The following MTOR variants were observed in gnomAD, a reference collection of about 807,000 sequenced individuals.
MTOR encodes serine/threonine-protein kinase mTOR.
Under a neutral mutation model 319.8 loss-of-function variants are expected in MTOR, and 70 were observed. The ratio of observed to expected loss-of-function variants is 0.22; its 90% CI spans 0.18 to 0.27. MTOR has a LOEUF of 0.27. MTOR is among the 10% of genes least tolerant of loss of function. MTOR has a pLI of 1.00. For synonymous variants in MTOR, 1,183 were observed against 1,211.4 expected, an observed-to-expected ratio of 0.98 and a Z score of 0.49; for missense variants, 1,890 against 3,274.4, an observed-to-expected ratio of 0.58 and a Z score of 10.32.
In MTOR at chr1:11,127,671, T is replaced by C. The variant is rs1010993658; in HGVS notation, c.6169A>G (p.Met2057Val). 8.1e-6 allele frequency: 13 copies of C among 1,614,006 alleles called. No individual in the cohort carries two copies. The highest frequency in any genetic ancestry group is 4.4e-5 in the South Asian group (4 of 91,080). Residue 2057 changes from methionine (M) to valine (V), a missense_variant, in exon 44 of 58, where the codon ATG becomes GTG. This residue lies in a region of MTOR where 249 missense variants were observed against 596.2 expected (regional missense o/e 0.42). Coordinates refer to ENST00000361445, the MANE Select transcript of MTOR (RefSeq NM_004958.4). This position sits in a 1 kb window ranked among gnomAD's most constrained non-coding sequence, Gnocchi z 5.5. ...MFEVLEPLHA[M>V]MERGPQTLKE... is the part of the protein sequence containing the mutation. ...AGAGTCTGGGGGCCCCGTTCCATCA[T>C]AGCATGCAAGGGCTCCAGCACCTCA...
At chr1:11,209,263 G>A (rs759501785) in intron 25 of MTOR, 49 bp downstream of exon 25, 4 of 1,610,500 alleles carry the variant, frequency 2.5e-6, no homozygotes, top group South Asian at 2.2e-5. Flanking sequence ...TTGAGTAAGT[G>A]AGAAGAGCAG....
intron 26 of MTOR, among the ~76,000 whole-genome samples, chr1:11,202,511 G>A (rs1646009624): frequency 1.3e-5 from 2 of 150,456 alleles, no homozygotes; most frequent in Admixed American, 6.6e-5. Context: ...TAGGTACGAT[G>A]TACACTATTA....
At chr1:11,223,383 T>C (rs773466350) in intron 19 of MTOR, among the ~76,000 whole-genome samples, 2 of 152,168 alleles carry the variant, frequency 1.3e-5, no homozygotes, top group Non-Finnish European at 2.9e-5. Flanking sequence ...ATATTTGTGG[T>C]TACATGGGAA....
chr1:11,229,525 G>A (rs1392585573), intron 18 of MTOR, among the ~76,000 whole-genome samples: 3 of 152,202 alleles, frequency 2.0e-5, no homozygotes, highest in Non-Finnish European at 4.4e-5. Flanking sequence ...GGAGCAGCAT[G>A]GCTCAGGCCC....
At chr1:11,219,024 C>G (rs538337654) in intron 19 of MTOR, among the ~76,000 whole-genome samples, 16 of 152,034 alleles carry the variant, frequency 1.1e-4, no homozygotes, top group Non-Finnish European at 1.9e-4. Context: ...GCCTGAGCAA[C>G]ATGGCAAAAC....
intron 28 of MTOR, among the ~76,000 whole-genome samples, chr1:11,172,590 G>A (rs903961967): frequency 1.4e-5 from 2 of 147,770 alleles, no homozygotes; most frequent in Non-Finnish European, 3.0e-5. Context: ...ACAACTTTGG[G>A]CCAGGCGCGG....
chr1:11,199,528 G>C lies in MTOR; in HGVS notation c.4107+13C>G. Reference sequence around the variant, plus strand: ...CTGTCAGCCTCCATCTGGACAATGGGGAAAAGTCTCACCTTGTCACTGTGT... The same window carrying C: ...CTGTCAGCCTCCATCTGGACAATGGCGAAAAGTCTCACCTTGTCACTGTGT... On this transcript the variant is annotated intron_variant, in intron 27 of 57. Coordinates refer to ENST00000361445, the MANE Select transcript of MTOR (RefSeq NM_004958.4). The surrounding 1 kb of genome is among the most constrained non-coding windows in gnomAD (Gnocchi z 4.5). 1.2e-6 allele frequency: 2 copies of C among 1,614,126 alleles called. No homozygotes were observed. Among genetic ancestry groups the C allele is most frequent in the Non-Finnish European group, 1.7e-6 (2 of 1,180,002 alleles).
chr1:11,238,176 T>A, intron 12 of MTOR, 128 bp from the exon 13 acceptor site: 1 of 975,500 alleles, frequency 1.0e-6, no homozygotes. Context: ...CTAACCTCTG[T>A]CATTCTTTTC....
intron 31 of MTOR, among the ~76,000 whole-genome samples, chr1:11,148,550 C>T (rs756251968): frequency 5.3e-5 from 8 of 152,128 alleles, no homozygotes; most frequent in Non-Finnish European, 1.0e-4. Flanking sequence ...GACTTTATGA[C>T]TTTAGGCATA....
intron 28 of MTOR, chr1:11,194,397 G>A: frequency 6.8e-7 from 1 of 1,480,154 alleles, no homozygotes; most frequent in Non-Finnish European, 9.4e-7. Context: ...GGAGAGAAGG[G>A]GTATAGAGAC....
chr1:11,256,251 G>T, intron 4 of MTOR, 59 bp from the exon 5 acceptor site: 1 of 1,561,292 alleles, frequency 6.4e-7, no homozygotes, highest in Non-Finnish European at 8.7e-7. Flanking sequence ...TCTCTCAGGA[G>T]TACAGTCTCT....
chr1:11,113,349 T>C (rs957814844), intron 53 of MTOR, among the ~76,000 whole-genome samples: 3 of 151,638 alleles, frequency 2.0e-5, no homozygotes, highest in Non-Finnish European at 2.9e-5. Flanking sequence ...TACTGAAGAA[T>C]ATTTTAGTAT....
Position 11,112,867 on chromosome 1 carries a change from C to G in MTOR, c.7351G>C (p.Ala2451Pro). Reference protein sequence around the residue: ...RSRTRTDSYSAGQSVEILDGV... With the variant: ...RSRTRTDSYSPGQSVEILDGV... ...ATGCACCTACCGACTGACTGGCCAG[C>G]AGAGTAGGAATCCGTCCTCGTTCGG... is the stretch of plus-strand genomic sequence containing the variant. The change falls in exon 54 of 58, where the codon GCT (alanine) becomes CCT (proline). Residue 2451 changes from alanine to proline, a missense_variant. Physicochemically the swap from Ala to Pro is conservative, Grantham distance 27 (BLOSUM62 -1). Around this residue, in one of 15 missense-constraint regions of MTOR, gnomAD observed 49 missense variants for 67.6 expected, o/e 0.72. Coordinates refer to ENST00000361445, the MANE Select transcript of MTOR (RefSeq NM_004958.4). 6.2e-7 allele frequency: 1 copy of G among 1,614,206 alleles called. No homozygotes were observed. Among genetic ancestry groups the G allele is most frequent in the Non-Finnish European group, 8.5e-7 (1 of 1,180,044 alleles).
At position 11,122,108 on chromosome 1, in the gene MTOR, G is replaced by A. The variant is rs1360883964; in HGVS notation, c.6681C>T (p.Val2227=). The A allele has an allele frequency of 2.5e-6, 4 of 1,614,140 alleles. No homozygotes were observed. Among genetic ancestry groups the A allele is most frequent in the Non-Finnish European group, 3.4e-6 (4 of 1,180,054 alleles). Residue 2227 remains valine (V), a synonymous_variant, in exon 48 of 58, where the codon GTC becomes GTT. Transcript: ENST00000361445. The part of the protein sequence containing the change: ...RKNLSIQRYA[V]IPLSTNSGLI... ...GGCCCGAGTTGGTCGATAAAGGGAT[G>A]ACAGCGTATCTCTGGATGCTGGCGC... is the stretch of plus-strand genomic sequence containing the variant.
chr1:11,154,168 A>C (rs1644245574), intron 30 of MTOR, among the ~76,000 whole-genome samples: 1 of 149,016 alleles, frequency 6.7e-6, no homozygotes, highest in African/African-American at 2.5e-5. Context: ...GGACTGAGAA[A>C]AACAACAACA....
intron 47 of MTOR, among the ~76,000 whole-genome samples, chr1:11,124,077 C>T (rs933970809): frequency 2.0e-5 from 3 of 152,214 alleles, no homozygotes; most frequent in Admixed American, 1.3e-4. Context: ...CATGGGCCAC[C>T]GTGCCCGGTC....
At chr1:11,238,342 A>G (rs1435598880) in intron 12 of MTOR, 60 bp downstream of exon 12, 1 of 1,535,852 alleles carries the variant, frequency 6.5e-7, no homozygotes, top group Non-Finnish European at 9.0e-7. Flanking sequence ...GAAACTGGCT[A>G]CTCCCAATTG....
At position 11,108,279 on chromosome 1, in the gene MTOR, G is replaced by C. The variant is rs764502848; in HGVS notation, c.7536C>G (p.Asp2512Glu). 2 of 1,613,478 alleles carry C rather than the reference G, an allele frequency of 1.2e-6. No homozygotes were observed. The highest frequency in any genetic ancestry group is 1.7e-6 in the Non-Finnish European group (2 of 1,179,578). The change falls in exon 57 of 58, where the codon GAC (aspartate) becomes GAG (glutamate). Residue 2512 changes from aspartate (D) to glutamate (E), a missense_variant. Transcript: ENST00000361445. Reference sequence around the variant, plus strand: ...CATCCAAAGTGTCATCATGAGAGAAGTCCCGACCTAGCACAGGAGGAACAA... The same window carrying C: ...CATCCAAAGTGTCATCATGAGAGAACTCCCGACCTAGCACAGGAGGAACAA... ...NRVRDKLTGR[D>E]FSHDDTLDVP...
At chr1:11,198,050 T>C (rs1645843947) in intron 28 of MTOR, among the ~76,000 whole-genome samples, 1 of 152,138 alleles carries the variant, frequency 6.6e-6, no homozygotes. Context: ...ATTGGGAAGG[T>C]TTCAAATAGG....
Sources: allele counts gnomAD v4.1 joint callset (sites outside exome capture counted in the v4.1 genomes callset), GRCh38; gene constraint gnomAD v4.1.1; regional missense constraint gnomAD v4.1.1; non-coding constraint Gnocchi (gnomAD v3.1); transcripts MANE v1.5; gene names NCBI Gene and HGNC (gene_info 2026-07-23, HGNC 2026-07-21).